Variants in SRBD1 observed in about 807,000 individuals in gnomAD.
SRBD1 encodes the protein S1 RNA-binding domain-containing protein 1.
In SRBD1, 88 loss-of-function variants were observed where a neutral mutation model predicts 115.3. The observed-to-expected ratio is 0.76, with a 90% confidence interval of 0.64 to 0.91. The LOEUF (loss-of-function observed/expected upper bound fraction) is 0.91. SRBD1 is among the 40% of genes least tolerant of loss of function. The probability of loss-of-function intolerance (pLI) is 0.00; values close to 1 mark genes in which losing one functional copy is unlikely to be tolerated. For missense variants in SRBD1, 1,385 were observed against 1,177.4 expected (o/e 1.18, Z -2.58); for synonymous variants, 509 against 407.7 (o/e 1.25, Z -2.99).
intron 1 of SRBD1, among the ~76,000 whole-genome samples, chr2:45,606,303 G>A (rs1674272006): frequency 6.6e-6 from 1 of 152,040 alleles, no homozygotes; most frequent in African/African-American, 2.4e-5. Context: ...GGGATTACAG[G>A]CATGCGCCAA....
chr2:45,393,197 A>T (rs1243192970), intron 19 of SRBD1, 68 bp from the exon 20 acceptor site: 2 of 1,444,458 alleles, frequency 1.4e-6, no homozygotes, highest in African/African-American at 1.4e-5. Flanking sequence ...CCTTATACAG[A>T]TCACCCTAAA....
At chr2:45,435,403 T>C (rs568195228) in intron 16 of SRBD1, among the ~76,000 whole-genome samples, 1 of 151,392 alleles carries the variant, frequency 6.6e-6, no homozygotes, top group South Asian at 2.1e-4. Flanking sequence ...AGACTGGAGG[T>C]TGGGATTCCT....
chr2:45,537,280 C>A lies in SRBD1; in HGVS notation c.1874+9452G>T, dbSNP rs2344658. ...AGAATATCGGTTATACCTATACTTACCTAAAAATTGTACTTCTTGTCACTA... is the reference window on the plus strand; with the variant it reads ...AGAATATCGGTTATACCTATACTTAACTAAAAATTGTACTTCTTGTCACTA... On this transcript the variant is annotated intron_variant, in intron 14 of 20. Transcript: ENST00000263736. Among the ~76,000 whole-genome samples the A allele has an allele frequency of 1.4e-3, 212 of 152,070 alleles. 1 individual carries two copies. Among genetic ancestry groups the A allele is most frequent in the Middle Eastern group, 6.8e-3 (2 of 294 alleles).
In SRBD1 at chr2:45,393,045, T is replaced by C. The variant is rs1320744867; in HGVS notation, c.2598A>G (p.Glu866=). ...QQKINSFLEK[E]GMEKIAERLQ... is the part of the protein sequence containing the mutation. ...ATCTTTCTGCAATTTTCTCCATTCC[T>C]TCCTTTTCAAGGAATGAATTTATTT... The change falls in exon 20 of 21, where the codon GAA becomes GAG. Residue 866 remains glutamate (E), a synonymous_variant. Transcript: ENST00000263736. The C allele has an allele frequency of 3.1e-6, 5 of 1,614,036 alleles. No individual in the cohort carries two copies. Among genetic ancestry groups the C allele is most frequent in the Middle Eastern group, 1.6e-4 (1 of 6,082 alleles).
At chr2:45,526,628 C>T (rs1671451094) in intron 14 of SRBD1, among the ~76,000 whole-genome samples, 1 of 151,710 alleles carries the variant, frequency 6.6e-6, no homozygotes, top group Non-Finnish European at 1.5e-5. Flanking sequence ...CTCAGTAAAA[C>T]TGTTAAACAA....
intron 1 of SRBD1, among the ~76,000 whole-genome samples, chr2:45,606,651 C>T (rs1224824757): frequency 6.6e-6 from 1 of 151,944 alleles, no homozygotes; most frequent in Non-Finnish European, 1.5e-5. Context: ...TTACCAAATT[C>T]GAAGGCCAAG....
intron 16 of SRBD1, 53 bp downstream of exon 16, chr2:45,476,940 A>C: frequency 6.6e-7 from 1 of 1,515,470 alleles, no homozygotes; most frequent in Non-Finnish European, 9.1e-7. Flanking sequence ...AGGTTTGAGT[A>C]CTGCTCCTTG....
intron 16 of SRBD1, among the ~76,000 whole-genome samples, chr2:45,423,561 A>T (rs1668067540): frequency 6.6e-6 from 1 of 151,960 alleles, no homozygotes; most frequent in Non-Finnish European, 1.5e-5. Flanking sequence ...AGTAATCAAA[A>T]CTCTCCCAAC....
chr2:45,461,729 T>C (rs1180093160), intron 16 of SRBD1, among the ~76,000 whole-genome samples: 2 of 152,170 alleles, frequency 1.3e-5, no homozygotes, highest in Admixed American at 1.3e-4. Context: ...ATGGATCTGC[T>C]TAAAAATGCA....
At chr2:45,424,674 T>C (rs913900312) in intron 16 of SRBD1, among the ~76,000 whole-genome samples, 3 of 152,210 alleles carry the variant, frequency 2.0e-5, no homozygotes, top group Non-Finnish European at 2.9e-5. Context: ...GACATACATA[T>C]ACCCAAACAG....
chr2:45,400,697 C>G (rs1392871292), intron 19 of SRBD1, among the ~76,000 whole-genome samples: 1 of 151,850 alleles, frequency 6.6e-6, no homozygotes, highest in Non-Finnish European at 1.5e-5. Flanking sequence ...CAATAATAAT[C>G]ATATTAACAC....
chr2:45,486,868 A>G (rs1393625821), intron 15 of SRBD1, among the ~76,000 whole-genome samples: 5 of 152,174 alleles, frequency 3.3e-5, no homozygotes, highest in Non-Finnish European at 5.9e-5. Flanking sequence ...TTTCACATAT[A>G]CTAAGTGCTT....
chr2:45,598,391 G>A (rs912656359), intron 4 of SRBD1, among the ~76,000 whole-genome samples: 1 of 151,942 alleles, frequency 6.6e-6, no homozygotes, highest in African/African-American at 2.4e-5. Flanking sequence ...GAGGCGGGCA[G>A]ATCACGAGGC....
intron 14 of SRBD1, among the ~76,000 whole-genome samples, chr2:45,540,974 C>T (rs549854804): frequency 2.0e-5 from 3 of 152,318 alleles, no homozygotes; most frequent in Admixed American, 2.0e-4. Flanking sequence ...GCCAGTGGTG[C>T]CTTTGTCCGA....
rs1572801464 is a variant in SRBD1 at position 45,580,003 on chromosome 2, T to C, written c.944A>G (p.Tyr315Cys). 6.3e-7 allele frequency: 1 copy of C among 1,577,856 alleles called. No individual in the cohort carries two copies. Among genetic ancestry groups the C allele is most frequent in the Non-Finnish European group, 8.6e-7 (1 of 1,166,444 alleles). The change falls in exon 7 of 21, where the codon TAT (tyrosine) becomes TGT (cysteine). Residue 315 changes from tyrosine to cysteine, a missense_variant. By Grantham distance (194) the Tyr-to-Cys change is radical. Coordinates refer to ENST00000263736, the MANE Select transcript of SRBD1 (RefSeq NM_018079.5). The part of the protein sequence containing the change: ...FEELEHVSAP[Y>C]KTGSKGTKAQ... ...TTTAGTCCCTTTGCTTCCAGTTTTA[T>C]ATGGAGCAGACTAGAAAATAAAGAC...
At chr2:45,489,899 A>C (rs1440035936) in intron 14 of SRBD1, among the ~76,000 whole-genome samples, 1 of 152,144 alleles carries the variant, frequency 6.6e-6, no homozygotes, top group African/African-American at 2.4e-5. Context: ...TATTTTTCTA[A>C]GGAAGAGCTA....
chr2:45,558,624 T>C (rs890905204), intron 10 of SRBD1, among the ~76,000 whole-genome samples: 1 of 151,986 alleles, frequency 6.6e-6, no homozygotes, highest in Non-Finnish European at 1.5e-5. Flanking sequence ...ACATAGTTCT[T>C]AATATATTTA....
chr2:45,508,488 C>T (rs1044768417), intron 14 of SRBD1, among the ~76,000 whole-genome samples: 1 of 152,100 alleles, frequency 6.6e-6, no homozygotes, highest in Non-Finnish European at 1.5e-5. Context: ...AAAATATAGT[C>T]TTTTATATGA....
At chr2:45,453,284 A>G (rs2103749117) in intron 16 of SRBD1, among the ~76,000 whole-genome samples, 1 of 148,760 alleles carries the variant, frequency 6.7e-6, no homozygotes, top group South Asian at 2.1e-4. Context: ...AAAAAAAAAG[A>G]AAGAAAAGAA....
Sources: allele counts gnomAD v4.1 joint callset (sites outside exome capture counted in the v4.1 genomes callset), GRCh38; gene constraint gnomAD v4.1.1; transcripts MANE v1.5; gene names NCBI Gene and HGNC (gene_info 2026-07-23, HGNC 2026-07-21).